Variants in AIG1 observed in about 807,000 individuals in gnomAD.
AIG1 encodes the protein androgen-induced gene 1 protein.
In AIG1, 23 loss-of-function variants were observed where a neutral mutation model predicts 31.4. That is an observed-to-expected ratio of 0.73 (90% confidence interval 0.53 to 1.04). The LOEUF (loss-of-function observed/expected upper bound fraction) is 1.04, where lower values mean the gene tolerates loss of function less well. Among genes scored for constraint, AIG1 ranks in the 50% least tolerant of loss-of-function variants. The probability of loss-of-function intolerance (pLI) is 0.00; values close to 1 mark genes in which losing one functional copy is unlikely to be tolerated. For missense variants in AIG1, 274 were observed against 295.0 expected, an observed-to-expected ratio of 0.93 and a Z score of 0.52; for synonymous variants, 100 against 110.5, an observed-to-expected ratio of 0.90 and a Z score of 0.60.
At chr6:143,225,407 T>C (rs1270746219) in intron 3 of AIG1, among the ~76,000 whole-genome samples, 2 of 152,180 alleles carry the variant, frequency 1.3e-5, no homozygotes, top group African/African-American at 2.4e-5. Context: ...TGTTGAACAA[T>C]GAATAAATGA....
chr6:143,179,733 C>T (rs962693323), intron 3 of AIG1, among the ~76,000 whole-genome samples: 5 of 151,940 alleles, frequency 3.3e-5, no homozygotes, highest in South Asian at 2.1e-4. Context: ...AGAAAAGTAA[C>T]GCAATCTTTT....
intron 1 of AIG1, among the ~76,000 whole-genome samples, chr6:143,130,218 C>T (rs949622675): frequency 2.3e-4 from 35 of 151,762 alleles, no homozygotes; most frequent in African/African-American, 5.6e-4. Context: ...TGTGAGCCAC[C>T]GCGCCCTGCT....
At chr6:143,092,321 G>C (rs1222064515) in intron 1 of AIG1, among the ~76,000 whole-genome samples, 1 of 90,652 alleles carries the variant, frequency 1.1e-5, no homozygotes, top group Admixed American at 1.4e-4. Context: ...GTCTCACTTT[G>C]TTGCCCAGAC....
intron 1 of AIG1, among the ~76,000 whole-genome samples, chr6:143,109,859 A>G (rs578247310): frequency 1.3e-5 from 2 of 152,318 alleles, no homozygotes; most frequent in South Asian, 2.1e-4. Flanking sequence ...CTTTTGATCA[A>G]CTGAAGTTCT....
intron 3 of AIG1, among the ~76,000 whole-genome samples, chr6:143,191,104 G>A (rs1789752065): frequency 6.6e-6 from 1 of 152,168 alleles, no homozygotes; most frequent in South Asian, 2.1e-4. Context: ...AGTGAGGGAA[G>A]CTGTCCTGGT....
chr6:143,272,289 C>T (rs73594180), intron 3 of AIG1, among the ~76,000 whole-genome samples: 1,846 of 152,254 alleles, frequency 0.012, 24 homozygotes, highest in African/African-American at 0.042. Context: ...TAACTTCATT[C>T]TGAATTCTCT....
downstream of AIG1, chr6:143,343,479 G>A (rs572557251): frequency 2.2e-5 from 6 of 270,176 alleles, no homozygotes; most frequent in Middle Eastern, 1.4e-3. Context: ...GTTCCCGCCT[G>A]GAAGACGCCA....
intron 2 of AIG1, among the ~76,000 whole-genome samples, chr6:143,147,407 C>T (rs1199673029): frequency 6.6e-6 from 1 of 152,096 alleles, no homozygotes; most frequent in Non-Finnish European, 1.5e-5. Context: ...TGTCACCTTG[C>T]CACTTGATCC....
At chr6:143,225,190 T>C (rs1792851684) in intron 3 of AIG1, among the ~76,000 whole-genome samples, 1 of 152,182 alleles carries the variant, frequency 6.6e-6, no homozygotes, top group Non-Finnish European at 1.5e-5. Flanking sequence ...GTGTGGCCTC[T>C]TCCAGAAAGG....
At chr6:143,183,052 C>A (rs1197592965) in intron 3 of AIG1, among the ~76,000 whole-genome samples, 3 of 152,232 alleles carry the variant, frequency 2.0e-5, no homozygotes, top group Non-Finnish European at 4.4e-5. Context: ...CTGAGAAGGC[C>A]TGGACTGATG....
chr6:143,331,029 G>A lies in AIG1; in HGVS notation c.516-2253G>A, dbSNP rs1777031189. ...TTTTTGATACAAATATTTTTGTTTGGACAGTGATTGAGACTGACCTGGACA... is the reference window on the plus strand; with the variant it reads ...TTTTTGATACAAATATTTTTGTTTGAACAGTGATTGAGACTGACCTGGACA... On this transcript the variant is annotated intron_variant, in intron 4 of 5. Coordinates refer to ENST00000357847, the MANE Select transcript of AIG1 (RefSeq NM_016108.4). The surrounding 1 kb of genome is among the most constrained non-coding windows in gnomAD (Gnocchi z 4.1). Among the ~76,000 whole-genome samples the A allele has an allele frequency of 6.6e-6, 1 of 152,004 alleles. No homozygotes were observed.
chr6:143,123,138 C>G (rs1246579694), intron 1 of AIG1, among the ~76,000 whole-genome samples: 2 of 152,134 alleles, frequency 1.3e-5, no homozygotes, highest in African/African-American at 4.8e-5. Context: ...GTCCTTCTAC[C>G]AGTCCCAAGT....
intron 3 of AIG1, among the ~76,000 whole-genome samples, chr6:143,225,964 T>C (rs577472627): frequency 2.6e-5 from 4 of 152,212 alleles, no homozygotes; most frequent in Non-Finnish European, 5.9e-5. Flanking sequence ...CATCTGTGAC[T>C]AAGGGAATAG....
intron 3 of AIG1, among the ~76,000 whole-genome samples, chr6:143,230,063 A>T (rs1198798770): frequency 6.6e-6 from 1 of 152,128 alleles, no homozygotes; most frequent in Non-Finnish European, 1.5e-5. Context: ...AAACGTGGAG[A>T]TTGGCTTCTA....
intron 1 of AIG1, among the ~76,000 whole-genome samples, chr6:143,110,139 T>G (rs1043929573): frequency 7.2e-5 from 11 of 152,206 alleles, no homozygotes; most frequent in Admixed American, 3.9e-4. Context: ...GTTGACCGTT[T>G]ATGTGTGGGT....
At chr6:143,140,165 G>A (rs1386024027) in intron 2 of AIG1, among the ~76,000 whole-genome samples, 1 of 152,124 alleles carries the variant, frequency 6.6e-6, no homozygotes, top group Non-Finnish European at 1.5e-5. Flanking sequence ...ATCAGATCTT[G>A]TGAGACTTAT....
At chr6:143,077,812 A>T (rs938220291) in intron 1 of AIG1, among the ~76,000 whole-genome samples, 5 of 152,228 alleles carry the variant, frequency 3.3e-5, no homozygotes, top group Non-Finnish European at 5.9e-5. Context: ...TTCTTCTGCC[A>T]ATTAAAATTC....
rs1347955185 is a variant in AIG1 at position 143,292,686 on chromosome 6, C to T, written c.515+8461C>T. On this transcript the variant is annotated intron_variant, in intron 4 of 5. Transcript: ENST00000357847. The surrounding 1 kb of genome is among the most constrained non-coding windows in gnomAD (Gnocchi z 4.9). The stretch of plus-strand genomic sequence containing the variant: ...ATGTGTCATAGTAGCAAGAAAAAAA[C>T]GAATACTTGAACAAATCACTTAATC... Among the ~76,000 whole-genome samples the T allele has an allele frequency of 6.6e-6, 1 of 152,186 alleles. No homozygotes were observed. The highest frequency in any genetic ancestry group is 1.9e-4 in the East Asian group (1 of 5,200).
chr6:143,081,196 G>A (rs546071995), intron 1 of AIG1, among the ~76,000 whole-genome samples: 3 of 152,216 alleles, frequency 2.0e-5, no homozygotes, highest in East Asian at 1.9e-4. Flanking sequence ...AGCTTTTTTA[G>A]ATGTCGTTTG....
Sources: allele counts gnomAD v4.1 joint callset (sites outside exome capture counted in the v4.1 genomes callset), GRCh38; gene constraint gnomAD v4.1.1; non-coding constraint Gnocchi (gnomAD v3.1); transcripts MANE v1.5; gene names NCBI Gene and HGNC (gene_info 2026-07-23, HGNC 2026-07-21).